Variants in BACH2 observed in about 807,000 individuals in gnomAD.
BACH2 encodes transcription regulator protein BACH2.
BACH2 carries 5 observed loss-of-function variants against 61.8 expected under a neutral mutation model. That is an observed-to-expected ratio of 0.08 (90% CI 0.04 to 0.17). The LOEUF is 0.17. BACH2 is among the 10% of genes least tolerant of loss of function. The probability of loss-of-function intolerance (pLI) is 1.00; values close to 1 mark genes in which losing one functional copy is unlikely to be tolerated. For synonymous variants in BACH2, 446 were observed against 440.1 expected (o/e 1.01, Z -0.17); for missense variants, 824 against 1,091.1 (o/e 0.76, Z 3.45).
intron 1 of BACH2, among the ~76,000 whole-genome samples, chr6:90,281,107 T>C (rs1177596881): frequency 3.3e-5 from 5 of 152,134 alleles, no homozygotes; most frequent in South Asian, 2.1e-4. Context: ...GACCTGAGAG[T>C]AGTTGAGTGA....
chr6:90,035,790 T>C (rs866992842), intron 5 of BACH2, among the ~76,000 whole-genome samples: 1 of 151,994 alleles, frequency 6.6e-6, no homozygotes, highest in Non-Finnish European at 1.5e-5. Context: ...TTAAAAATTA[T>C]AGACGTTTAG....
chr6:90,263,876 G>A (rs928470171), intron 2 of BACH2, among the ~76,000 whole-genome samples: 5 of 152,124 alleles, frequency 3.3e-5, no homozygotes, highest in Non-Finnish European at 7.4e-5. Context: ...TTGAAAATTT[G>A]CTCCTAACCA....
intron 6 of BACH2, among the ~76,000 whole-genome samples, chr6:89,985,840 G>C (rs1263758241): frequency 6.6e-6 from 1 of 152,208 alleles, no homozygotes; most frequent in African/African-American, 2.4e-5. Flanking sequence ...GCAGACACCA[G>C]GGCTAGGAGG....
Position 89,932,425 on chromosome 6 carries a change from T to C in BACH2, c.2509A>G (p.Arg837Gly), listed in dbSNP as rs759055183. Residue 837 changes from arginine (R) to glycine (G), a missense_variant, in exon 9 of 9, where the codon AGG (arginine) becomes GGG (glycine). This residue lies in a region of BACH2 where 135 missense variants were observed against 142.7 expected (regional missense o/e 0.95). Transcript: ENST00000257749. ...TDKCTTDEQP[R>G]KDYT ...CCGAGTCACTAGGTATAATCTTTCC[T>C]GGGCTGTTCGTCAGTTGTACACTTA... 3 of 1,613,668 alleles carry C rather than the reference T, an allele frequency of 1.9e-6. No individual in the cohort carries two copies. The highest frequency in any genetic ancestry group is 2.5e-6 in the Non-Finnish European group (3 of 1,179,704).
At position 89,931,445 on chromosome 6, in the gene BACH2, A is replaced by C. The variant is rs1199116567; in HGVS notation, c.*963T>G. The C allele has an allele frequency of 6.5e-6, 1 of 152,746 alleles. No homozygotes were observed. Among genetic ancestry groups the C allele is most frequent in the Admixed American group, 6.5e-5 (1 of 15,288 alleles). The allele number at this position is 152,746 out of a possible 1,614,324, so 9.5% of individuals were successfully genotyped here. ...CACCTGAGTGCTTTTTAATTAGCTA[A>C]AATGTTTTACTTTTTTAACTAAAAG... On this transcript the variant is annotated 3_prime_UTR_variant, in exon 9 of 9. Transcript: ENST00000257749.
chr6:89,947,298 A>G (rs1166123999), intron 7 of BACH2, among the ~76,000 whole-genome samples: 1 of 152,158 alleles, frequency 6.6e-6, no homozygotes. Flanking sequence ...TACTGGGGAT[A>G]ATACTTCAAC....
intron 7 of BACH2, among the ~76,000 whole-genome samples, chr6:89,949,032 C>A (rs1435015457): frequency 6.6e-6 from 1 of 152,154 alleles, no homozygotes; most frequent in African/African-American, 2.4e-5. Context: ...TCAAAACACG[C>A]CCAAACTAAA....
intron 1 of BACH2, among the ~76,000 whole-genome samples, chr6:90,295,880 T>C (rs917512576): frequency 1.3e-5 from 2 of 151,830 alleles, no homozygotes; most frequent in East Asian, 2.0e-4. Flanking sequence ...GGGCTTTGAT[T>C]CCCCGCCGGT....
Position 90,247,084 on chromosome 6 carries a change from A to G in BACH2, c.-275+5429T>C, listed in dbSNP as rs532854670. On this transcript the variant is annotated intron_variant, in intron 3 of 8. Transcript: ENST00000257749. ...TTTAATGAAAAAGACAAAGCTAAAG[A>G]CCACATATAAATTATTGACCTGCAT... Among the ~76,000 whole-genome samples the G allele has an allele frequency of 4.4e-4, 67 of 152,304 alleles. 2 individuals carry two copies. The highest frequency in any genetic ancestry group is 1.3e-3 in the African/African-American group (54 of 41,558).
At chr6:89,956,462 T>C (rs1032532333) in intron 6 of BACH2, among the ~76,000 whole-genome samples, 11 of 152,178 alleles carry the variant, frequency 7.2e-5, no homozygotes, top group African/African-American at 2.2e-4. Context: ...TGACAATGTG[T>C]TGAAATTTGA....
At chr6:90,193,228 T>TAC (rs1768636923) in intron 4 of BACH2, among the ~76,000 whole-genome samples, 1 of 152,238 alleles carries the variant, frequency 6.6e-6, no homozygotes, top group Non-Finnish European at 1.5e-5. Context: ...TAACCCCCAG[T>TAC]ACCTCAGAAA....
chr6:90,062,458 G>GC (rs1445074927), intron 5 of BACH2, among the ~76,000 whole-genome samples: 8 of 152,096 alleles, frequency 5.3e-5, no homozygotes, highest in African/African-American at 1.9e-4. Context: ...TCCACTTTAG[G>GC]CAACTGAATC....
intron 6 of BACH2, among the ~76,000 whole-genome samples, chr6:90,007,847 G>A (rs532127874): frequency 2.6e-5 from 4 of 152,292 alleles, no homozygotes; most frequent in Admixed American, 6.5e-5. Context: ...GATTCTGCCC[G>A]AACACAAAGT....
chr6:89,932,968 G>C (rs1009963626), intron 8 of BACH2, 78 bp from the exon 9 acceptor site: 1 of 1,461,366 alleles, frequency 6.8e-7, no homozygotes, highest in Admixed American at 2.4e-5. Flanking sequence ...AGGTTTTCCA[G>C]CCTTTGTTTT....
chr6:90,006,520 C>T (rs1478019179), intron 6 of BACH2, among the ~76,000 whole-genome samples: 2 of 152,210 alleles, frequency 1.3e-5, no homozygotes, highest in African/African-American at 4.8e-5. Context: ...TAGCTACCTA[C>T]TTGCTAGTGG....
intron 6 of BACH2, among the ~76,000 whole-genome samples, chr6:89,966,822 TGTCCAGGACTTCAG>T (rs1775072148): frequency 6.6e-6 from 1 of 152,208 alleles, no homozygotes; most frequent in South Asian, 2.1e-4. Flanking sequence ...AAGAGCAGTG[TGTCCAGGACTTCAG>T]GTTGCTGGGG....
At chr6:90,075,070 GAGAA>G (rs1489607774) in intron 5 of BACH2, among the ~76,000 whole-genome samples, 2 of 152,072 alleles carry the variant, frequency 1.3e-5, no homozygotes, top group African/African-American at 4.8e-5. Flanking sequence ...AAGAGGACAG[GAGAA>G]AGAAAGAAGT....
At chr6:90,256,466 G>T (rs1293741028) in intron 2 of BACH2, among the ~76,000 whole-genome samples, 2 of 152,180 alleles carry the variant, frequency 1.3e-5, no homozygotes, top group Non-Finnish European at 2.9e-5. Context: ...TGAAGATGGA[G>T]AAACTACAAG....
rs577541962 is a variant in BACH2, at chr6:89,928,954, C to T, written c.*3454G>A. 5.9e-5 allele frequency: 9 copies of T among 152,166 alleles called. No homozygotes were observed. Among genetic ancestry groups the T allele is most frequent in the Middle Eastern group, 3.4e-3 (1 of 294 alleles). The allele number at this position is 152,166 out of a possible 1,614,324, so 9.4% of individuals were successfully genotyped here. ...TTTTAATCAAGGCACCCCCAGGTAA[C>T]GCAGAGAAACAAACACATACAGCAA... On this transcript the variant is annotated 3_prime_UTR_variant, in exon 9 of 9. Transcript: ENST00000257749.
Sources: allele counts gnomAD v4.1 joint callset (sites outside exome capture counted in the v4.1 genomes callset), GRCh38; gene constraint gnomAD v4.1.1; regional missense constraint gnomAD v4.1.1; transcripts MANE v1.5; gene names NCBI Gene and HGNC (gene_info 2026-07-23, HGNC 2026-07-21).